PPFIA2: variants seen among roughly 807,000 people sequenced by gnomAD.
PPFIA2 encodes PPFI scaffold protein A2, also known as liprin-alpha-2.
PPFIA2 carries 46 observed loss-of-function variants against 175.5 expected under a neutral mutation model. The ratio of observed to expected loss-of-function variants is 0.26; its 90% CI spans 0.21 to 0.34. PPFIA2 has a LOEUF of 0.34. Ranked by LOEUF, PPFIA2 falls within the 10% of genes least tolerant of loss-of-function variation. PPFIA2 has a pLI of 1.00. For missense variants in PPFIA2, 1,179 were observed against 1,506.1 expected, an observed-to-expected ratio of 0.78 and a Z score of 3.60; for synonymous variants, 568 against 511.4, an observed-to-expected ratio of 1.11 and a Z score of -1.49.
chr12:81,585,965 ACTATGATATTATGATGG>A (rs1246475745), intron 4 of PPFIA2, among the ~76,000 whole-genome samples: 1 of 151,902 alleles, frequency 6.6e-6, no homozygotes, highest in Non-Finnish European at 1.5e-5. Context: ...TGTTATGATG[ACTATGATATTATGATGG>A]CTATGATGTC....
chr12:81,638,240 G>C (rs1235155615), intron 4 of PPFIA2, among the ~76,000 whole-genome samples: 1 of 151,976 alleles, frequency 6.6e-6, no homozygotes, highest in African/African-American at 2.4e-5. Context: ...TGTATGACTT[G>C]AAAATCTACT....
intron 3 of PPFIA2, among the ~76,000 whole-genome samples, chr12:81,686,008 G>A (rs2074377717): frequency 6.6e-6 from 1 of 151,944 alleles, no homozygotes. Flanking sequence ...AGGTCACACA[G>A]CCAATAAGTA....
At chr12:81,747,677 T>C (rs1419669589) in intron 3 of PPFIA2, among the ~76,000 whole-genome samples, 1 of 144,344 alleles carries the variant, frequency 6.9e-6, no homozygotes, top group Non-Finnish European at 1.6e-5. Context: ...GTTTCTATTA[T>C]TATTTGAAGT....
At chr12:81,473,970 A>G (rs1433670189) in intron 4 of PPFIA2, among the ~76,000 whole-genome samples, 1 of 152,158 alleles carries the variant, frequency 6.6e-6, no homozygotes, top group African/African-American at 2.4e-5. Context: ...GCTATGTGTC[A>G]AAGTGTGTAT....
intron 4 of PPFIA2, among the ~76,000 whole-genome samples, chr12:81,642,658 C>CATACACGTGTATGTATA (rs1567685600): frequency 2.3e-5 from 1 of 43,560 alleles, no homozygotes; most frequent in African/African-American, 8.5e-5. Context: ...ATGTATGTAT[C>CATACACGTGTATGTATA]TATTATATAC....
chr12:81,334,611 A>G (rs561430883), intron 21 of PPFIA2, among the ~76,000 whole-genome samples: 3 of 152,232 alleles, frequency 2.0e-5, no homozygotes, highest in South Asian at 4.1e-4. Flanking sequence ...GAGTTTTTGA[A>G]TGGTTCCACT....
At chr12:81,568,778 A>G (rs1005999534) in intron 4 of PPFIA2, among the ~76,000 whole-genome samples, 4 of 152,046 alleles carry the variant, frequency 2.6e-5, no homozygotes, top group African/African-American at 7.2e-5. Flanking sequence ...TCCATTCCCC[A>G]TCTTGATGGA....
chr12:81,266,281 T>G (rs1460714250), intron 30 of PPFIA2, among the ~76,000 whole-genome samples: 1 of 152,192 alleles, frequency 6.6e-6, no homozygotes, highest in Non-Finnish European at 1.5e-5. Context: ...AAAGACCCTG[T>G]AGAAAAACTC....
At chr12:81,708,278 A>G (rs1402670025) in intron 3 of PPFIA2, among the ~76,000 whole-genome samples, 1 of 152,112 alleles carries the variant, frequency 6.6e-6, no homozygotes, top group Non-Finnish European at 1.5e-5. Flanking sequence ...TGGAAGAAAA[A>G]TTTTAAAAAC....
At chr12:81,327,723 C>A (rs1264536699) in intron 21 of PPFIA2, among the ~76,000 whole-genome samples, 1 of 151,866 alleles carries the variant, frequency 6.6e-6, no homozygotes, top group Non-Finnish European at 1.5e-5. Flanking sequence ...TAAATTTATT[C>A]ATATACCCAA....
chr12:81,676,605 C>CT (rs1447824837), intron 4 of PPFIA2, 186 bp downstream of exon 4: 1 of 374,302 alleles, frequency 2.7e-6, no homozygotes, highest in Non-Finnish European at 4.7e-6. Context: ...GTTGTTAAAA[C>CT]TTTTTAATAA....
At chr12:81,435,249 T>C (rs2144710854) in intron 7 of PPFIA2, among the ~76,000 whole-genome samples, 1 of 152,304 alleles carries the variant, frequency 6.6e-6, no homozygotes, top group South Asian at 2.1e-4. Flanking sequence ...CATGTCTGGA[T>C]TAGCAAACCC....
At chr12:81,470,619 AAT>A (rs1173461121) in intron 4 of PPFIA2, among the ~76,000 whole-genome samples, 2 of 150,870 alleles carry the variant, frequency 1.3e-5, no homozygotes, top group Non-Finnish European at 3.0e-5. Context: ...CTTGTACATG[AAT>A]GTTCATAGCA....
Position 81,494,550 on chromosome 12 carries a change from T to A in PPFIA2, c.304-36684A>T, listed in dbSNP as rs985314130. 3.7e-3 allele frequency among the ~76,000 whole-genome samples: 559 copies of A among 151,214 alleles called. 3 individuals carry two copies. Among genetic ancestry groups the A allele is most frequent in the African/African-American group, 0.013 (521 of 41,412 alleles). Reference sequence around the variant, plus strand: ...AGTCAGTGTGGCGATTCCTCAGGGATCTAGAACTAGAAATACCATTTGACC... The same window carrying A: ...AGTCAGTGTGGCGATTCCTCAGGGAACTAGAACTAGAAATACCATTTGACC... On this transcript the variant is annotated intron_variant, in intron 4 of 32. Transcript: ENST00000549396.
intron 4 of PPFIA2, among the ~76,000 whole-genome samples, chr12:81,591,655 GT>G (rs1284521709): frequency 1.3e-5 from 2 of 152,168 alleles, no homozygotes; most frequent in African/African-American, 2.4e-5. Context: ...AGCTCAGGTT[GT>G]TGCTTCAGAG....
At chr12:81,673,472 G>A (rs1459638419) in intron 4 of PPFIA2, among the ~76,000 whole-genome samples, 1 of 151,962 alleles carries the variant, frequency 6.6e-6, no homozygotes, top group East Asian at 1.9e-4. Flanking sequence ...TGACAAAGTG[G>A]TATATTTACA....
intron 24 of PPFIA2, among the ~76,000 whole-genome samples, chr12:81,285,988 A>G (rs2043232997): frequency 1.3e-5 from 2 of 152,074 alleles, no homozygotes; most frequent in African/African-American, 4.8e-5. Flanking sequence ...GGAACAGAAT[A>G]TGGAGATGAA....
chr12:81,618,480 A>C (rs532986863), intron 4 of PPFIA2, among the ~76,000 whole-genome samples: 7 of 151,702 alleles, frequency 4.6e-5, no homozygotes, highest in African/African-American at 1.7e-4. Flanking sequence ...TTTCTGAATA[A>C]TTAAAAGAAC....
intron 24 of PPFIA2, among the ~76,000 whole-genome samples, chr12:81,288,812 A>T (rs974007253): frequency 6.6e-6 from 1 of 151,794 alleles, no homozygotes; most frequent in African/African-American, 2.4e-5. Context: ...TCTCATTATA[A>T]TAAGAATGAT....
Sources: gnomAD v4.1 joint callset for allele counts (sites outside exome capture counted in the v4.1 genomes callset) on GRCh38, gnomAD v4.1.1 for gene constraint, MANE v1.5 for transcripts, NCBI Gene and HGNC (gene_info 2026-07-23, HGNC 2026-07-21) for gene names.